The following APBA1 variants were observed in gnomAD, a reference collection of about 807,000 sequenced individuals.
APBA1 encodes amyloid beta precursor protein binding family A member 1.
APBA1 carries 55 observed loss-of-function variants against 86.6 expected under a neutral mutation model. The ratio of observed to expected loss-of-function variants is 0.64; its 90% CI spans 0.51 to 0.80. The LOEUF (loss-of-function observed/expected upper bound fraction) is 0.80, where lower values mean the gene tolerates loss of function less well. APBA1 is among the 30% of genes least tolerant of loss of function. The pLI, the probability that APBA1 is intolerant of heterozygous loss-of-function variation, is 0.00. For synonymous variants in APBA1, 511 were observed against 493.9 expected (o/e 1.03, Z -0.46); for missense variants, 1,090 against 1,183.0 (o/e 0.92, Z 1.15).
At chr9:69,636,830 AGGGAGG>A (rs1328135553) in intron 1 of APBA1, among the ~76,000 whole-genome samples, 6 of 5,842 alleles carry the variant, frequency 1.0e-3, no homozygotes, top group South Asian at 0.026. Context: ...AGAGAGAGAG[AGGGAGG>A]GAGGGAGGGA....
At chr9:69,465,075 AT>A (rs1194509354) in intron 5 of APBA1, 1 of 152,312 alleles carries the variant, frequency 6.6e-6, no homozygotes, top group Non-Finnish European at 1.5e-5. Flanking sequence ...TCTGGGTAGC[AT>A]TCCTTGATAG....
intron 1 of APBA1, among the ~76,000 whole-genome samples, chr9:69,612,530 C>T (rs1588393186): frequency 6.6e-6 from 1 of 152,024 alleles, no homozygotes; most frequent in East Asian, 1.9e-4. Flanking sequence ...GTGTATTAAA[C>T]ATAAAAATTA....
intron 1 of APBA1, among the ~76,000 whole-genome samples, chr9:69,587,216 A>T (rs192415846): frequency 6.6e-6 from 1 of 152,348 alleles, no homozygotes; most frequent in East Asian, 1.9e-4. Context: ...AGAACACAAT[A>T]GTGGTCCAAG....
intron 1 of APBA1, among the ~76,000 whole-genome samples, chr9:69,598,535 C>T (rs1194467035): frequency 1.3e-5 from 2 of 151,976 alleles, no homozygotes; most frequent in Non-Finnish European, 1.5e-5. Flanking sequence ...TTCTGGGTCC[C>T]CAGTAGACTC....
chr9:69,653,139 A>C (rs1020771479), intron 1 of APBA1, among the ~76,000 whole-genome samples: 2 of 152,234 alleles, frequency 1.3e-5, no homozygotes, highest in Non-Finnish European at 2.9e-5. Context: ...AAACTAAAAA[A>C]GAGCAGGAGT....
chr9:69,648,308 G>A (rs1823429806), intron 1 of APBA1, among the ~76,000 whole-genome samples: 1 of 152,188 alleles, frequency 6.6e-6, no homozygotes, highest in African/African-American at 2.4e-5. Flanking sequence ...TCGCAATAAA[G>A]TGACAAGGTG....
chr9:69,611,819 A>G (rs1339797338), intron 1 of APBA1, among the ~76,000 whole-genome samples: 1 of 152,200 alleles, frequency 6.6e-6, no homozygotes, highest in Non-Finnish European at 1.5e-5. Flanking sequence ...TTGGCCATAA[A>G]TCACTTAAGT....
chr9:69,494,749 C>T (rs1188617081), intron 2 of APBA1, among the ~76,000 whole-genome samples: 1 of 152,100 alleles, frequency 6.6e-6, no homozygotes, highest in Non-Finnish European at 1.5e-5. Context: ...ACCAAAACCA[C>T]TTTTAATTCC....
chr9:69,540,896 C>G (rs756610702), intron 1 of APBA1, among the ~76,000 whole-genome samples: 10 of 152,208 alleles, frequency 6.6e-5, no homozygotes, highest in African/African-American at 9.7e-5. Context: ...TGAGCCACCA[C>G]GCTCAGCCTT....
At chr9:69,633,423 T>A (rs188733686) in intron 1 of APBA1, among the ~76,000 whole-genome samples, 102 of 152,322 alleles carry the variant, frequency 6.7e-4, no homozygotes, top group Non-Finnish European at 1.4e-3. Context: ...AAGCAGCAGT[T>A]GAGCCAGAAG....
chr9:69,460,932 T>A (rs746858571), intron 5 of APBA1: 2 of 152,234 alleles, frequency 1.3e-5, no homozygotes, highest in African/African-American at 4.8e-5. Flanking sequence ...GGTTTCACCA[T>A]GTTGACCAGG....
At chr9:69,526,501 C>G (rs1276745911) in intron 1 of APBA1, among the ~76,000 whole-genome samples, 1 of 152,082 alleles carries the variant, frequency 6.6e-6, no homozygotes, top group East Asian at 1.9e-4. Context: ...CAGAGAATTG[C>G]AAGTCAAACC....
intron 2 of APBA1, among the ~76,000 whole-genome samples, chr9:69,483,112 A>G (rs1205619218): frequency 6.7e-6 from 1 of 149,884 alleles, no homozygotes; most frequent in Non-Finnish European, 1.5e-5. Flanking sequence ...TAAAACTTAA[A>G]GTATAATAAA....
At position 69,431,092 on chromosome 9, in the gene APBA1, TG is replaced by T; in HGVS notation, c.*234del. ...TCCTGGGTCAGTACCAGGTGGGTGC[TG>T]GCTGCTCTCCATCCTCAAGGGAGTG... On this transcript the variant is annotated 3_prime_UTR_variant, in exon 13 of 13. Transcript: ENST00000265381. 2.2e-6 allele frequency: 1 copy of T among 450,306 alleles called. No individual in the cohort carries two copies. Among genetic ancestry groups the T allele is most frequent in the Non-Finnish European group, 3.8e-6 (1 of 260,476 alleles). 27.9% of individuals were successfully genotyped at this position (450,306 alleles called of 1,614,324 possible).
intron 1 of APBA1, among the ~76,000 whole-genome samples, chr9:69,587,175 T>C (rs141621516): frequency 1.3e-5 from 2 of 152,304 alleles, no homozygotes; most frequent in African/African-American, 4.8e-5. Context: ...TATGGTTCAA[T>C]TGCCTCCCCA....
intron 1 of APBA1, among the ~76,000 whole-genome samples, chr9:69,662,530 G>A (rs1285292053): frequency 1.3e-5 from 2 of 152,160 alleles, no homozygotes; most frequent in Admixed American, 1.3e-4. Flanking sequence ...CATTTCATCT[G>A]TAGAACAAAT....
At chr9:69,619,852 A>C (rs1230712935) in intron 1 of APBA1, among the ~76,000 whole-genome samples, 1 of 152,232 alleles carries the variant, frequency 6.6e-6, no homozygotes, top group Non-Finnish European at 1.5e-5. Context: ...GCACATACAC[A>C]CACATTATGT....
At chr9:69,590,627 A>T (rs1822111379) in intron 1 of APBA1, among the ~76,000 whole-genome samples, 4 of 152,128 alleles carry the variant, frequency 2.6e-5, no homozygotes, top group African/African-American at 4.8e-5. Context: ...TCCCCAAACG[A>T]TCTCAAAAGG....
intron 1 of APBA1, among the ~76,000 whole-genome samples, chr9:69,602,193 A>T (rs186565440): frequency 2.6e-5 from 4 of 152,322 alleles, no homozygotes; most frequent in Non-Finnish European, 5.9e-5. Flanking sequence ...TAAAATGTAT[A>T]ATTCAGTGGT....
Sources: gnomAD v4.1 joint callset for allele counts (sites outside exome capture counted in the v4.1 genomes callset) on GRCh38, gnomAD v4.1.1 for gene constraint, MANE v1.5 for transcripts, NCBI Gene and HGNC (gene_info 2026-07-23, HGNC 2026-07-21) for gene names.